Variants in RBFOX3 observed in about 807,000 individuals in gnomAD.
RBFOX3 encodes RNA binding fox-1 homolog 3.
A neutral mutation model predicts 48.7 loss-of-function variants in RBFOX3; 17 were observed. The observed-to-expected ratio is 0.35, with a 90% confidence interval of 0.24 to 0.52. The LOEUF (loss-of-function observed/expected upper bound fraction) is 0.52. Among genes scored for constraint, RBFOX3 ranks in the 20% least tolerant of loss-of-function variants. The pLI, the probability that RBFOX3 is intolerant of heterozygous loss-of-function variation, is 0.94. For missense variants in RBFOX3, 382 were observed against 497.5 expected (o/e 0.77, Z 2.21); for synonymous variants, 212 against 209.5 (o/e 1.01, Z -0.10).
In RBFOX3 at chr17:79,361,118, G is replaced by A. The variant is rs1039362075; in HGVS notation, c.-174-53294C>T. On this transcript the variant is annotated intron_variant, in intron 2 of 14. Transcript: ENST00000693108. This position sits in a 1 kb window ranked among gnomAD's most constrained non-coding sequence, Gnocchi z 4.5. The stretch of plus-strand genomic sequence containing the variant: ...CCTAAGTCAAGAAAGACACACATTT[G>A]GCTCCAAAGGTTTGAAAGAGGGTGA... Among the ~76,000 whole-genome samples, 14 of 152,102 alleles carry A rather than the reference G, an allele frequency of 9.2e-5. No homozygotes were observed. The highest frequency in any genetic ancestry group is 3.1e-4 in the African/African-American group (13 of 41,418).
At chr17:79,484,096 T>G (rs2149510757) in intron 1 of RBFOX3, among the ~76,000 whole-genome samples, 1 of 152,254 alleles carries the variant, frequency 6.6e-6, no homozygotes, top group Non-Finnish European at 1.5e-5. Flanking sequence ...GAGATCAGGG[T>G]GGCCAGGGAG....
At chr17:79,470,536 A>G (rs1451911250) in intron 2 of RBFOX3, among the ~76,000 whole-genome samples, 3 of 152,188 alleles carry the variant, frequency 2.0e-5, no homozygotes, top group Non-Finnish European at 4.4e-5. Context: ...ACACACATGC[A>G]TCTAAGGTTA....
At chr17:79,123,253 G>A (rs1358626406) in intron 4 of RBFOX3, among the ~76,000 whole-genome samples, 1 of 152,152 alleles carries the variant, frequency 6.6e-6, no homozygotes, top group Admixed American at 6.5e-5. Flanking sequence ...GCTTGAGGAG[G>A]TGGACACCCC....
intron 1 of RBFOX3, among the ~76,000 whole-genome samples, chr17:79,509,075 C>T (rs2083655892): frequency 6.6e-6 from 1 of 152,156 alleles, no homozygotes; most frequent in Non-Finnish European, 1.5e-5. Flanking sequence ...AGTATTGTAA[C>T]AGCGTTCCAG....
At chr17:79,615,273 C>T (rs991086694), upstream of RBFOX3, among the ~76,000 whole-genome samples, 246 of 152,158 alleles carry the variant, frequency 1.6e-3, 2 homozygotes, top group African/African-American at 5.8e-3. Flanking sequence ...TTTGCACATG[C>T]GAGATCTCGA....
intron 2 of RBFOX3, among the ~76,000 whole-genome samples, chr17:79,406,915 A>C (rs1350616982): frequency 2.6e-5 from 4 of 152,230 alleles, no homozygotes; most frequent in Non-Finnish European, 4.4e-5. Context: ...GTGGATCTGC[A>C]CGGACTTCCA....
At chr17:79,518,308 C>T (rs965696905) in intron 1 of RBFOX3, among the ~76,000 whole-genome samples, 8 of 152,312 alleles carry the variant, frequency 5.3e-5, no homozygotes, top group African/African-American at 1.2e-4. Context: ...CTCTTTCAAG[C>T]GCACAGACCC....
chr17:79,476,946 A>G (rs917060396), intron 2 of RBFOX3, among the ~76,000 whole-genome samples: 2 of 152,034 alleles, frequency 1.3e-5, no homozygotes, highest in African/African-American at 4.8e-5. Context: ...GAAGAAGAAG[A>G]AAAGGAGGAG....
At chr17:79,554,408 C>T (rs986981469) in intron 1 of RBFOX3, among the ~76,000 whole-genome samples, 55 of 129,798 alleles carry the variant, frequency 4.2e-4, no homozygotes, top group African/African-American at 1.7e-3. Flanking sequence ...CCTCTCCATC[C>T]TCACTCACAG....
intron 4 of RBFOX3, among the ~76,000 whole-genome samples, chr17:79,170,380 G>A (rs1255897099): frequency 6.6e-6 from 1 of 152,112 alleles, no homozygotes; most frequent in Admixed American, 6.5e-5. Flanking sequence ...CCCTGCCAGG[G>A]GCCTGCAGCC....
intron 14 of RBFOX3, among the ~76,000 whole-genome samples, chr17:79,093,044 G>T (rs576240004): frequency 6.6e-6 from 1 of 152,336 alleles, no homozygotes; most frequent in South Asian, 2.1e-4. Flanking sequence ...CCTCCTGGCG[G>T]GTTCCTGGGC....
At chr17:79,524,182 C>T (rs2086496237) in intron 1 of RBFOX3, among the ~76,000 whole-genome samples, 1 of 152,176 alleles carries the variant, frequency 6.6e-6, no homozygotes, top group Admixed American at 6.5e-5. Flanking sequence ...AATCCTGCTC[C>T]CCATTTGGAT....
chr17:79,603,542 C>T (rs1423553079), intron 1 of RBFOX3, among the ~76,000 whole-genome samples: 1 of 152,220 alleles, frequency 6.6e-6, no homozygotes, highest in Non-Finnish European at 1.5e-5. Context: ...GAGTGAGGGT[C>T]CCCTCAGACC....
intron 4 of RBFOX3, among the ~76,000 whole-genome samples, chr17:79,144,875 C>T (rs75635351): frequency 0.011 from 1,719 of 152,270 alleles, 37 homozygotes; most frequent in African/African-American, 0.04. Flanking sequence ...TCTCCTGGCC[C>T]ACAAAAGGGG....
chr17:79,620,490 C>A, the RBFOX3 span, among the ~76,000 whole-genome samples: 2 of 136,588 alleles, frequency 1.5e-5, no homozygotes, highest in African/African-American at 7.3e-5. Flanking sequence ...CGCACGTGCA[C>A]ACACGCGCAC....
rs2088483095 is a variant in RBFOX3 at position 79,535,048 on chromosome 17, C to T, written c.-319-52450G>A. 6.6e-6 allele frequency among the ~76,000 whole-genome samples: 1 copy of T among 152,208 alleles called. No homozygotes were observed. Among genetic ancestry groups the T allele is most frequent in the Admixed American group, 6.5e-5 (1 of 15,284 alleles). ...CAGCTGCACCCAACAGAAACCTGAC[C>T]CAAACTGGCTGAAGCCACGAGGAAG... On this transcript the variant is annotated intron_variant, in intron 1 of 14. Transcript: ENST00000693108. This position sits in a 1 kb window ranked among gnomAD's most constrained non-coding sequence, Gnocchi z 4.5.
chr17:79,616,276 C>T, the RBFOX3 span, among the ~76,000 whole-genome samples: 3 of 152,150 alleles, frequency 2.0e-5, no homozygotes, highest in Non-Finnish European at 4.4e-5. Context: ...TGGCTCACAC[C>T]TGTATTCCTA....
chr17:79,347,499 T>C (rs1010531732), intron 2 of RBFOX3, among the ~76,000 whole-genome samples: 7 of 152,224 alleles, frequency 4.6e-5, no homozygotes, highest in Admixed American at 2.0e-4. Context: ...AACTTAACAT[T>C]AGCACCTTAA....
At chr17:79,648,452 C>T in the RBFOX3 span, among the ~76,000 whole-genome samples, 1 of 152,196 alleles carries the variant, frequency 6.6e-6, no homozygotes, top group Admixed American at 6.5e-5. Context: ...TCTCCAGACC[C>T]CTGCAATAGC....
Sources: allele counts gnomAD v4.1 joint callset (sites outside exome capture counted in the v4.1 genomes callset), GRCh38; gene constraint gnomAD v4.1.1; non-coding constraint Gnocchi (gnomAD v3.1); transcripts MANE v1.5; gene names NCBI Gene and HGNC (gene_info 2026-07-23, HGNC 2026-07-21).